Variants in LMAN1 observed in about 807,000 individuals in gnomAD.
LMAN1 encodes the protein lectin, mannose binding 1.
A neutral mutation model predicts 67.8 loss-of-function variants in LMAN1; 32 were observed. The ratio of observed to expected loss-of-function variants is 0.47; its 90% CI spans 0.36 to 0.63. The LOEUF (loss-of-function observed/expected upper bound fraction) is 0.63, where lower values mean the gene tolerates loss of function less well. Among genes scored for constraint, LMAN1 ranks in the 30% least tolerant of loss-of-function variants. The pLI is 0.00. For synonymous variants in LMAN1, 235 were observed against 219.3 expected, an observed-to-expected ratio of 1.07 and a Z score of -0.63; for missense variants, 632 against 628.2, an observed-to-expected ratio of 1.01 and a Z score of -0.06.
rs753818663 is a variant in LMAN1, at chr18:59,331,120, T to C, written c.1506A>G (p.Gln502=). ...AAAAGAATTTTTTGGCAGCTGCTTC[T>C]TGCTGAGACCTAATGAAAAAAAGAA... ...FIGYIMYRSQ[Q]EAAAKKFF Residue 502 remains glutamine, a synonymous_variant, in exon 13 of 13, where the codon CAA becomes CAG. Transcript: ENST00000251047. The C allele has an allele frequency of 6.2e-7, 1 of 1,612,102 alleles. No individual in the cohort carries two copies. The highest frequency in any genetic ancestry group is 8.5e-7 in the Non-Finnish European group (1 of 1,178,560).
chr18:59,338,406 G>C (rs756630257), intron 10 of LMAN1, 151 bp downstream of exon 10: 48 of 685,010 alleles, frequency 7.0e-5, no homozygotes, highest in Non-Finnish European at 9.6e-5. Flanking sequence ...AAAAGTTGCT[G>C]TATTTATGGT....
chr18:59,349,407 G>A (rs1173014006), intron 5 of LMAN1, among the ~76,000 whole-genome samples, 171 bp from the exon 6 acceptor site: 1 of 152,110 alleles, frequency 6.6e-6, no homozygotes, highest in Non-Finnish European at 1.5e-5. Flanking sequence ...AAAAAAATGA[G>A]TTTTGCCCCA....
rs35054924 is a variant in LMAN1 at position 59,354,246 on chromosome 18, A to T, written c.539+273T>A. 0.056 allele frequency among the ~76,000 whole-genome samples: 8,570 copies of T among 152,302 alleles called. 308 individuals carry two copies. Among genetic ancestry groups the T allele is most frequent in the Middle Eastern group, 0.13 (38 of 294 alleles). Reference sequence around the variant, plus strand: ...ATGATTAGTGGCATCACTGAGAGCCAGGAACAGTCTATAAACTTTCAAAAG... The same window carrying T: ...ATGATTAGTGGCATCACTGAGAGCCTGGAACAGTCTATAAACTTTCAAAAG... On this transcript the variant is annotated intron_variant, in intron 4 of 12. Coordinates refer to ENST00000251047, the MANE Select transcript of LMAN1 (RefSeq NM_005570.4).
chr18:59,349,200 C>T lies in LMAN1; in HGVS notation c.676G>A (p.Asp226Asn). 6.2e-7 allele frequency: 1 copy of T among 1,613,488 alleles called. No individual in the cohort carries two copies. Among genetic ancestry groups the T allele is most frequent in the Non-Finnish European group, 8.5e-7 (1 of 1,179,494 alleles). The change falls in exon 6 of 13, where the codon GAT becomes AAT. Residue 226 changes from aspartate (D) to asparagine (N), a missense_variant. By Grantham distance (23) the Asp-to-Asn change is conservative (BLOSUM62 1). Transcript: ENST00000251047. ...TCCACTTTGGCACAAAATTCATAAT[C>T]ATTTTTATCTGGTGTAAAGCCATTA... ...INNGFTPDKN[D>N]YEFCAKVENM...
chr18:59,338,756 C>T lies in LMAN1; in HGVS notation c.1149+4G>A. On this transcript the variant is annotated splice_donor_region_variant and intron_variant, in intron 9 of 12. Coordinates refer to ENST00000251047, the MANE Select transcript of LMAN1 (RefSeq NM_005570.4). ...GGGCACATCTGCATATTCTGCAAGC[C>T]CACCTGCCCATGCTGCCCAGGCATT... is the stretch of plus-strand genomic sequence containing the variant. 1.2e-6 allele frequency: 2 copies of T among 1,614,062 alleles called. No homozygotes were observed. Among genetic ancestry groups the T allele is most frequent in the Non-Finnish European group, 8.5e-7 (1 of 1,179,940 alleles).
chr18:59,346,792 T>C (rs910749464), intron 7 of LMAN1, among the ~76,000 whole-genome samples: 4 of 151,822 alleles, frequency 2.6e-5, no homozygotes, highest in African/African-American at 9.7e-5. Flanking sequence ...AGTGCTAGGA[T>C]TACAGGCATG....
intron 10 of LMAN1, among the ~76,000 whole-genome samples, chr18:59,337,869 G>T (rs1908194148): frequency 6.6e-6 from 1 of 152,148 alleles, no homozygotes; most frequent in South Asian, 2.1e-4. Flanking sequence ...AACTCACCTT[G>T]ACATTCTTGT....
In LMAN1 at chr18:59,353,251, T is replaced by C; in HGVS notation, c.590A>G (p.Lys197Arg). 6.2e-7 allele frequency: 1 copy of C among 1,614,186 alleles called. No homozygotes were observed. The highest frequency in any genetic ancestry group is 8.5e-7 in the Non-Finnish European group (1 of 1,180,020). ...LASCQRDFRN[K>R]PYPVRAKITY... The stretch of plus-strand genomic sequence containing the variant: ...AATCTTTGCTCGGACAGGATAGGGT[T>C]TGTTGCGGAAGTCCCTCTGGCAACT... Residue 197 changes from lysine to arginine, a missense_variant, in exon 5 of 13, where the codon AAA (lysine) becomes AGA (arginine). By Grantham distance (26) the Lys-to-Arg change is conservative (BLOSUM62 2). Transcript: ENST00000251047.
At chr18:59,343,556 C>T (rs927561875) in intron 8 of LMAN1, among the ~76,000 whole-genome samples, 1 of 152,030 alleles carries the variant, frequency 6.6e-6, no homozygotes, top group South Asian at 2.1e-4. Flanking sequence ...GGGGAAAGGA[C>T]ATCCTATTCA....
intron 10 of LMAN1, among the ~76,000 whole-genome samples, chr18:59,335,554 C>G (rs1908126121): frequency 6.6e-6 from 1 of 151,964 alleles, no homozygotes; most frequent in African/African-American, 2.4e-5. Context: ...TGGGAAACAG[C>G]TGGAAAGAAG....
chr18:59,332,950 C>A, intron 11 of LMAN1, 141 bp downstream of exon 11: 1 of 676,070 alleles, frequency 1.5e-6, no homozygotes, highest in Non-Finnish European at 2.5e-6. Context: ...ACATGGAGAT[C>A]TGCAATAAAT....
chr18:59,358,569 A>C (rs970526107), intron 1 of LMAN1, among the ~76,000 whole-genome samples: 2 of 151,882 alleles, frequency 1.3e-5, no homozygotes, highest in African/African-American at 4.8e-5. Flanking sequence ...GGAGCAAAGA[A>C]ATCGGGGATC....
At chr18:59,341,003 G>C (rs1908274783) in intron 8 of LMAN1, among the ~76,000 whole-genome samples, 1 of 152,002 alleles carries the variant, frequency 6.6e-6, no homozygotes, top group Admixed American at 6.6e-5. Context: ...GACACACATA[G>C]ACTGAAAGTA....
At chr18:59,352,015 A>G in intron 5 of LMAN1, among the ~76,000 whole-genome samples, 1 of 152,238 alleles carries the variant, frequency 6.6e-6, no homozygotes. Flanking sequence ...CTCATGATTT[A>G]GGTGAAAGAA....
rs547716818 is a variant in LMAN1 at position 59,349,366 on chromosome 18, A to C, written c.640-130T>G. ...AGAGTAATTTTAAATAACGTTTCCT[A>C]CTTGGTGTCAATATACAATATATTT... On this transcript the variant is annotated intron_variant, in intron 5 of 12. Transcript: ENST00000251047. 488 of 846,734 alleles carry C rather than the reference A, an allele frequency of 5.8e-4. 2 individuals are homozygous for C. Among genetic ancestry groups the C allele is most frequent in the South Asian group, 3.2e-3 (202 of 63,204 alleles). The allele number at this position is 846,734 out of a possible 1,614,324, so 52.5% of individuals were successfully genotyped here.
intron 2 of LMAN1, 27 bp downstream of exon 2, chr18:59,355,477 T>G (rs1908640506): frequency 7.4e-6 from 12 of 1,614,112 alleles, no homozygotes; most frequent in Non-Finnish European, 9.3e-6. Flanking sequence ...TTTATGCACA[T>G]TTTCTAAGTT....
chr18:59,345,811 G>A lies in LMAN1; in HGVS notation c.955+108C>T. On this transcript the variant is annotated intron_variant, in intron 8 of 12. Transcript: ENST00000251047. The stretch of plus-strand genomic sequence containing the variant: ...TGTTTCCAGAAATCACTTGGAATGT[G>A]CCTGTTCAGAGAGCAGGGATGAGCT... 4.8e-6 allele frequency: 6 copies of A among 1,241,584 alleles called. 1 individual carries two copies. The South Asian group carries it at 5.0e-5, about 10-fold the overall frequency. The allele number at this position is 1,241,584 out of a possible 1,614,324, so 76.9% of individuals were successfully genotyped here. A position where few individuals can be genotyped will look rare whatever the true frequency, so the allele number is the denominator to read the frequency against.
At chr18:59,357,413 TGTA>T in intron 1 of LMAN1, among the ~76,000 whole-genome samples, 1 of 152,090 alleles carries the variant, frequency 6.6e-6, no homozygotes, top group East Asian at 1.9e-4. Flanking sequence ...AGTGGAGAGG[TGTA>T]GAAGTGAAAA....
intron 3 of LMAN1, among the ~76,000 whole-genome samples, chr18:59,355,019 G>A (rs906839490): frequency 5.3e-5 from 8 of 152,122 alleles, no homozygotes; most frequent in African/African-American, 1.9e-4. Flanking sequence ...CACCACCTAC[G>A]TCTAAGGATT....
Sources: gnomAD v4.1 joint callset for allele counts (sites outside exome capture counted in the v4.1 genomes callset) on GRCh38, gnomAD v4.1.1 for gene constraint, MANE v1.5 for transcripts, NCBI Gene and HGNC (gene_info 2026-07-23, HGNC 2026-07-21) for gene names.